The following ERBB4 variants were observed in gnomAD, a reference collection of about 807,000 sequenced individuals.
ERBB4 encodes the protein receptor tyrosine-protein kinase erbB-4.
In ERBB4, 42 loss-of-function variants were observed where a neutral mutation model predicts 158.0. The ratio of observed to expected loss-of-function variants is 0.27; its 90% CI spans 0.21 to 0.34. The LOEUF (loss-of-function observed/expected upper bound fraction) is 0.34. Ranked by LOEUF, ERBB4 falls within the 10% of genes least tolerant of loss-of-function variation. ERBB4 has a pLI of 1.00. For missense variants in ERBB4, 1,333 were observed against 1,624.1 expected, an observed-to-expected ratio of 0.82 and a Z score of 3.08; for synonymous variants, 583 against 558.7, an observed-to-expected ratio of 1.04 and a Z score of -0.61.
chr2:212,445,972 TA>T (rs1287629324), intron 1 of ERBB4, among the ~76,000 whole-genome samples: 1 of 152,246 alleles, frequency 6.6e-6, no homozygotes, highest in Admixed American at 6.5e-5. Flanking sequence ...ATCTTCATTT[TA>T]TTTCCTTTTC....
At chr2:211,678,663 A>G (rs1247093293) in intron 13 of ERBB4, among the ~76,000 whole-genome samples, 1 of 152,176 alleles carries the variant, frequency 6.6e-6, no homozygotes, top group Non-Finnish European at 1.5e-5. Flanking sequence ...CCATTTTCTT[A>G]TAATTTTAAA....
At chr2:211,424,056 C>T (rs2063570390) in intron 23 of ERBB4, 99 bp downstream of exon 23, 30 of 1,203,562 alleles carry the variant, frequency 2.5e-5, no homozygotes, top group Non-Finnish European at 3.1e-5. Context: ...TTTGAACTGT[C>T]GTATTTTTCA....
intron 1 of ERBB4, among the ~76,000 whole-genome samples, chr2:212,262,427 G>A (rs1379205871): frequency 6.6e-6 from 1 of 151,826 alleles, no homozygotes; most frequent in Admixed American, 6.6e-5. Context: ...TCCTGTCTTT[G>A]GCCCTTTTTT....
chr2:211,919,239 T>C (rs2079793279), intron 3 of ERBB4, among the ~76,000 whole-genome samples: 1 of 152,064 alleles, frequency 6.6e-6, no homozygotes. Context: ...AAATCCTTCC[T>C]CAAGGTTTCC....
intron 26 of ERBB4, among the ~76,000 whole-genome samples, chr2:211,387,741 C>T (rs1223295529): frequency 2.0e-5 from 3 of 152,122 alleles, no homozygotes; most frequent in Non-Finnish European, 4.4e-5. Context: ...AAATTGAAAG[C>T]TACTGTTGAT....
At chr2:211,408,827 C>T (rs1359134584) in intron 25 of ERBB4, among the ~76,000 whole-genome samples, 1 of 152,166 alleles carries the variant, frequency 6.6e-6, no homozygotes, top group Non-Finnish European at 1.5e-5. Context: ...AAATAAAATG[C>T]CACAGATGCC....
intron 1 of ERBB4, among the ~76,000 whole-genome samples, chr2:212,344,508 G>A (rs1178260432): frequency 6.6e-6 from 1 of 151,818 alleles, no homozygotes; most frequent in Non-Finnish European, 1.5e-5. Context: ...ATATGTGTGT[G>A]CATATATATG....
intron 1 of ERBB4, among the ~76,000 whole-genome samples, chr2:212,465,828 C>T (rs1484978459): frequency 6.6e-6 from 1 of 152,162 alleles, no homozygotes; most frequent in Non-Finnish European, 1.5e-5. Flanking sequence ...ACAGTCTATT[C>T]TCTAACCTAG....
At chr2:212,145,393 G>T (rs1423351734) in intron 1 of ERBB4, among the ~76,000 whole-genome samples, 1 of 152,044 alleles carries the variant, frequency 6.6e-6, no homozygotes, top group Non-Finnish European at 1.5e-5. Context: ...GGTACCAATT[G>T]TTATAAATTT....
chr2:212,243,597 G>T (rs1173748749), intron 1 of ERBB4, among the ~76,000 whole-genome samples: 1 of 151,834 alleles, frequency 6.6e-6, no homozygotes, highest in African/African-American at 2.4e-5. Context: ...TATACTGTAG[G>T]ATAGGACTTA....
intron 2 of ERBB4, among the ~76,000 whole-genome samples, chr2:212,003,216 G>GAAAGAAAGGAAGACAGAAA: frequency 2.9e-5 from 1 of 34,506 alleles, no homozygotes; most frequent in South Asian, 8.5e-4. Context: ...ACAGAAAGAA[G>GAAAGAAAGGAAGACAGAAA]GAAGGAAGGA....
chr2:212,474,596 T>G (rs1689280493), intron 1 of ERBB4, among the ~76,000 whole-genome samples: 1 of 152,068 alleles, frequency 6.6e-6, no homozygotes, highest in African/African-American at 2.4e-5. Flanking sequence ...CTGAGAGTCT[T>G]GAGGTTCCTG....
intron 20 of ERBB4, among the ~76,000 whole-genome samples, chr2:211,516,842 T>G (rs1233580306): frequency 6.6e-6 from 1 of 151,952 alleles, no homozygotes; most frequent in Non-Finnish European, 1.5e-5. Flanking sequence ...AACAGTGATG[T>G]GACCAACTCT....
intron 5 of ERBB4, among the ~76,000 whole-genome samples, chr2:211,744,313 TTTTAC>T: frequency 6.6e-6 from 1 of 152,274 alleles, no homozygotes; most frequent in South Asian, 2.1e-4. Context: ...ATGTACTAAC[TTTTAC>T]TAAAAATATA....
chr2:211,928,834 T>G (rs578142207), intron 3 of ERBB4, among the ~76,000 whole-genome samples: 4 of 152,178 alleles, frequency 2.6e-5, no homozygotes, highest in Admixed American at 6.6e-5. Context: ...ATTGAAAAGA[T>G]AGTTTTGCAG....
intron 20 of ERBB4, among the ~76,000 whole-genome samples, chr2:211,557,815 C>T (rs750955875): frequency 5.3e-5 from 8 of 152,130 alleles, no homozygotes; most frequent in Non-Finnish European, 8.8e-5. Flanking sequence ...GACACATGCA[C>T]ACGTATGTTC....
At chr2:212,430,431 T>C (rs182599856) in intron 1 of ERBB4, among the ~76,000 whole-genome samples, 1 of 147,780 alleles carries the variant, frequency 6.8e-6, no homozygotes, top group African/African-American at 2.4e-5. Context: ...TTACTTCGCA[T>C]GTTGGTTTTT....
At chr2:211,482,191 G>A (rs1031065118) in intron 20 of ERBB4, among the ~76,000 whole-genome samples, 3 of 152,148 alleles carry the variant, frequency 2.0e-5, no homozygotes, top group East Asian at 1.9e-4. Context: ...CTAGAATACC[G>A]ATCAGTACAT....
At chr2:211,804,656 G>T (rs187356427) in intron 3 of ERBB4, among the ~76,000 whole-genome samples, 2 of 152,004 alleles carry the variant, frequency 1.3e-5, no homozygotes, top group African/African-American at 4.8e-5. Flanking sequence ...CTATAAACAC[G>T]CCAGGTAATA....
Sources: gnomAD v4.1 joint callset for allele counts (sites outside exome capture counted in the v4.1 genomes callset) on GRCh38, gnomAD v4.1.1 for gene constraint, MANE v1.5 for transcripts, NCBI Gene and HGNC (gene_info 2026-07-23, HGNC 2026-07-21) for gene names.